Variants in ALPK2 observed in about 807,000 individuals in gnomAD.
ALPK2 encodes the protein alpha-protein kinase 2.
A neutral mutation model predicts 163.1 loss-of-function variants in ALPK2; 127 were observed. The ratio of observed to expected loss-of-function variants is 0.78; its 90% CI spans 0.67 to 0.90. ALPK2 has a LOEUF of 0.90. Among genes scored for constraint, ALPK2 ranks in the 40% least tolerant of loss-of-function variants. The probability of loss-of-function intolerance (pLI) is 0.00; values close to 1 mark genes in which losing one functional copy is unlikely to be tolerated. For missense variants in ALPK2, 2,360 were observed against 2,589.6 expected, an observed-to-expected ratio of 0.91 and a Z score of 1.92; for synonymous variants, 953 against 959.1, an observed-to-expected ratio of 0.99 and a Z score of 0.12.
At position 58,498,057 on chromosome 18, in the gene ALPK2, C is replaced by T. The variant is rs1464768384; in HGVS notation, c.6288G>A (p.Leu2096=). The T allele has an allele frequency of 6.2e-7, 1 of 1,614,066 alleles. No homozygotes were observed. The highest frequency in any genetic ancestry group is 8.5e-7 in the Non-Finnish European group (1 of 1,179,968). ...MKLTDVGIAT[L]AKGYKGFKGN... ...CATTTTTTCCTACTCACCCTTTAGC[C>T]AGCGTTGCTATGCCAACGTCAGTTA... The change falls in exon 12 of 13, where the codon CTG becomes CTA. Residue 2096 remains leucine (L), a synonymous_variant. Transcript: ENST00000361673.
At chr18:58,578,604 C>G in intron 4 of ALPK2, 1 of 511,798 alleles carries the variant, frequency 2.0e-6, no homozygotes, top group Non-Finnish European at 3.4e-6. Context: ...TTTATCTGGG[C>G]CTTTTTTTCA....
At chr18:58,494,612 G>T (rs749840644) in intron 12 of ALPK2, among the ~76,000 whole-genome samples, 11 of 151,936 alleles carry the variant, frequency 7.2e-5, no homozygotes, top group East Asian at 5.8e-4. Flanking sequence ...TCTTATGGTG[G>T]TGCTGTTCCC....
Position 58,535,535 on chromosome 18 carries a change from G to T in ALPK2, c.4652C>A (p.Ala1551Asp), listed in dbSNP as rs750960307. 6.2e-7 allele frequency: 1 copy of T among 1,614,160 alleles called. No individual in the cohort carries two copies. The highest frequency in any genetic ancestry group is 1.7e-5 in the Admixed American group (1 of 60,024). The change falls in exon 5 of 13, where the codon GCT becomes GAT. Residue 1551 changes from alanine (A) to aspartate (D), a missense_variant. Transcript: ENST00000361673. ...LSSCLPIMTH[A>D]SLGVDTHNST... The stretch of plus-strand genomic sequence containing the variant: ...GTTGTGCGTGTCAACCCCAAGAGAA[G>T]CGTGAGTCATTATTGGAAGACAACT...
In ALPK2 at chr18:58,527,450, C is replaced by G. The variant is rs1022538767; in HGVS notation, c.5501+1641G>C. Among the ~76,000 whole-genome samples the G allele has an allele frequency of 5.3e-5, 8 of 152,276 alleles. No homozygotes were observed. In the Middle Eastern group the frequency reaches 0.01, roughly 194 times the overall value. On this transcript the variant is annotated intron_variant, in intron 6 of 12. Coordinates refer to ENST00000361673, the MANE Select transcript of ALPK2 (RefSeq NM_052947.4). ...CACTAGGAATCAAAGGCCTTAGCCA[C>G]GCGTCATCAGTAAGTAGAATGCTTA...
Position 58,583,777 on chromosome 18 carries a change from G to T in ALPK2, c.228-3229C>A, listed in dbSNP as rs12606989. On this transcript the variant is annotated intron_variant, in intron 3 of 12. Transcript: ENST00000361673. ...AAAGAAAGAAAGAAAAAGGCGGGGG[G>T]GCTGTGGCAGGGTGGGCAATAGGGA... is the stretch of plus-strand genomic sequence containing the variant. Among the ~76,000 whole-genome samples the T allele has an allele frequency of 2.1e-4, 32 of 152,088 alleles. No homozygotes were observed. In the East Asian group the frequency reaches 5.2e-3, roughly 25 times the overall value.
At position 58,538,161 on chromosome 18, in the gene ALPK2, G is replaced by T; in HGVS notation, c.2026C>A (p.Pro676Thr). The T allele has an allele frequency of 6.2e-7, 1 of 1,613,730 alleles. No individual in the cohort carries two copies. Among genetic ancestry groups the T allele is most frequent in the East Asian group, 2.2e-5 (1 of 44,878 alleles). Residue 676 changes from proline to threonine, a missense_variant, in exon 5 of 13, where the codon CCT (proline) becomes ACT (threonine). Pro to Thr is a conservative substitution (Grantham distance 38, BLOSUM62 -1). Coordinates refer to ENST00000361673, the MANE Select transcript of ALPK2 (RefSeq NM_052947.4). ...GTGAATGGGGACTCCTCCCCAGCAG[G>T]CTCTGAGAAAGCTGGCATCTGGCTG... ...SCSQMPAFSE[P>T]AGEESPFTGT...
chr18:58,486,576 C>T lies in ALPK2; in HGVS notation c.6297-4537G>A, dbSNP rs114430411. The stretch of plus-strand genomic sequence containing the variant: ...CATGCTCAGCACTACCTTGTCTCCA[C>T]GCCACATTTCTGAACATCTCTTTCT... On this transcript the variant is annotated intron_variant, in intron 12 of 12. Transcript: ENST00000361673. Among the ~76,000 whole-genome samples, 518 of 152,310 alleles carry T rather than the reference C, an allele frequency of 3.4e-3. 2 individuals are homozygous for T. The highest frequency in any genetic ancestry group is 0.012 in the African/African-American group (488 of 41,576).
chr18:58,485,445 G>A (rs112027138), intron 12 of ALPK2, among the ~76,000 whole-genome samples: 3 of 152,314 alleles, frequency 2.0e-5, no homozygotes, highest in African/African-American at 4.8e-5. Flanking sequence ...CCACCCTGCC[G>A]TGATTGTTAT....
At chr18:58,601,293 G>A (rs991120944) in intron 3 of ALPK2, among the ~76,000 whole-genome samples, 1 of 152,066 alleles carries the variant, frequency 6.6e-6, no homozygotes, top group Non-Finnish European at 1.5e-5. Flanking sequence ...GCAAGGGGCA[G>A]TCATAGGTGG....
rs202121224 is a variant in ALPK2 at position 58,536,778 on chromosome 18, C to A, written c.3409G>T (p.Val1137Phe). Residue 1137 changes from valine to phenylalanine, a missense_variant, in exon 5 of 13, where the codon GTC becomes TTC. By Grantham distance (50) the Val-to-Phe change is conservative. Coordinates refer to ENST00000361673, the MANE Select transcript of ALPK2 (RefSeq NM_052947.4). The part of the protein sequence containing the change: ...QERGSETKQG[V>F]QQQSLSQQGS... ...TGCTGGGACAGGCTCTGCTGCTGGACCCCCTGCTTTGTTTCACTTCCTCTT... is the reference window on the plus strand; with the variant it reads ...TGCTGGGACAGGCTCTGCTGCTGGAACCCCTGCTTTGTTTCACTTCCTCTT... 3 of 1,614,198 alleles carry A rather than the reference C, an allele frequency of 1.9e-6. No individual in the cohort carries two copies. In the African/African-American group the frequency reaches 4.0e-5, roughly 22 times the overall value.
chr18:58,617,225 C>T (rs865807788), intron 1 of ALPK2, among the ~76,000 whole-genome samples: 4 of 152,118 alleles, frequency 2.6e-5, no homozygotes, highest in East Asian at 1.9e-4. Flanking sequence ...CTCACTATGT[C>T]GCCCAGGCTA....
intron 4 of ALPK2, among the ~76,000 whole-genome samples, chr18:58,567,883 C>T (rs2051864692): frequency 1.3e-5 from 2 of 152,126 alleles, no homozygotes; most frequent in African/African-American, 2.4e-5. Context: ...GGTTGAGTGG[C>T]GCCCCCAGAC....
At chr18:58,556,902 T>G (rs2051795766) in intron 4 of ALPK2, among the ~76,000 whole-genome samples, 2 of 152,188 alleles carry the variant, frequency 1.3e-5, no homozygotes, top group Non-Finnish European at 2.9e-5. Flanking sequence ...TGAAAGCTCA[T>G]GACAAACGCT....
At chr18:58,510,206 G>A (rs183211049) in intron 10 of ALPK2, among the ~76,000 whole-genome samples, 18 of 152,234 alleles carry the variant, frequency 1.2e-4, no homozygotes, top group Admixed American at 2.6e-4. Flanking sequence ...GATACGTGGC[G>A]TTATTTCTGA....
chr18:58,601,191 G>A lies in ALPK2; in HGVS notation c.227+6131C>T, dbSNP rs990348584. Among the ~76,000 whole-genome samples the A allele has an allele frequency of 2.6e-5, 4 of 152,142 alleles. No individual in the cohort carries two copies. The South Asian group carries it at 6.2e-4, about 24-fold the overall frequency. On this transcript the variant is annotated intron_variant, in intron 3 of 12. Transcript: ENST00000361673. ...AAATTGCTTGAACCTGGGAGGTGGA[G>A]GTTGCAGTGAGCCCAGATCTTGCCA... is the stretch of plus-strand genomic sequence containing the variant.
chr18:58,551,786 A>G (rs1602214025), intron 4 of ALPK2, among the ~76,000 whole-genome samples: 1 of 152,198 alleles, frequency 6.6e-6, no homozygotes, highest in East Asian at 1.9e-4. Context: ...ATCTGTCCAG[A>G]GAGTGGAATT....
At chr18:58,487,760 G>T (rs368684051) in intron 12 of ALPK2, among the ~76,000 whole-genome samples, 2 of 152,098 alleles carry the variant, frequency 1.3e-5, no homozygotes, top group Admixed American at 1.3e-4. Flanking sequence ...ACTGGCTCAC[G>T]CCTGTAATCC....
intron 2 of ALPK2, among the ~76,000 whole-genome samples, chr18:58,609,581 C>T (rs908234414): frequency 4.6e-5 from 7 of 152,298 alleles, no homozygotes; most frequent in African/African-American, 1.7e-4. Context: ...TTGATTTCCC[C>T]CAGTTTCCTA....
In ALPK2 at chr18:58,611,543, G is replaced by A. The variant is rs1015209747; in HGVS notation, c.109+146C>T. The A allele has an allele frequency of 1.7e-5, 12 of 707,852 alleles. No homozygotes were observed. In the Admixed American group the frequency reaches 2.9e-4, roughly 17 times the overall value. 43.8% of individuals were successfully genotyped at this position (707,852 alleles called of 1,614,324 possible). A position where few individuals can be genotyped will look rare whatever the true frequency, so the allele number is the denominator to read the frequency against. On this transcript the variant is annotated intron_variant, in intron 2 of 12. Coordinates refer to ENST00000361673, the MANE Select transcript of ALPK2 (RefSeq NM_052947.4). ...AAATCTTTTAGAAACAAATCATAGA[G>A]GATGGAGTTGCTTCATTGATTACAC...
Sources: gnomAD v4.1 joint callset for allele counts (sites outside exome capture counted in the v4.1 genomes callset) on GRCh38, gnomAD v4.1.1 for gene constraint, MANE v1.5 for transcripts, NCBI Gene and HGNC (gene_info 2026-07-23, HGNC 2026-07-21) for gene names.